The following TBC1D12 variants were observed in gnomAD, a reference collection of about 807,000 sequenced individuals.
TBC1D12 encodes TBC1 domain family member 12.
A neutral mutation model predicts 86.7 loss-of-function variants in TBC1D12; 56 were observed. That is an observed-to-expected ratio of 0.65 (90% CI 0.52 to 0.81). The LOEUF is 0.81. Ranked by LOEUF, TBC1D12 falls within the 30% of genes least tolerant of loss-of-function variation. The probability of loss-of-function intolerance (pLI) is 0.00; values close to 1 mark genes in which losing one functional copy is unlikely to be tolerated. For synonymous variants in TBC1D12, 421 were observed against 411.7 expected (o/e 1.02, Z -0.27); for missense variants, 1,023 against 1,038.8 (o/e 0.98, Z 0.21).
intron 2 of TBC1D12, among the ~76,000 whole-genome samples, chr10:94,473,049 G>A (rs2055931297): frequency 6.6e-6 from 1 of 152,052 alleles, no homozygotes; most frequent in Non-Finnish European, 1.5e-5. Flanking sequence ...CTCAATTAAG[G>A]TTAAGCTTCA....
intron 1 of TBC1D12, among the ~76,000 whole-genome samples, chr10:94,430,695 A>T (rs2055204459): frequency 6.6e-6 from 1 of 152,188 alleles, no homozygotes; most frequent in Admixed American, 6.5e-5. Context: ...AGAGTCATTT[A>T]CCCAACCTGT....
chr10:94,460,601 G>A (rs1251318561), intron 2 of TBC1D12, among the ~76,000 whole-genome samples: 1 of 148,316 alleles, frequency 6.7e-6, no homozygotes, highest in African/African-American at 2.5e-5. Flanking sequence ...TATCCTATTT[G>A]ATGTTCTCTG....
At chr10:94,480,502 A>G (rs918142588) in intron 3 of TBC1D12, among the ~76,000 whole-genome samples, 5 of 152,020 alleles carry the variant, frequency 3.3e-5, no homozygotes, top group African/African-American at 9.7e-5. Flanking sequence ...AAGTCATACT[A>G]TTCTGATTGC....
chr10:94,488,028 ACTGC>A (rs999744842), intron 3 of TBC1D12, among the ~76,000 whole-genome samples: 3 of 151,804 alleles, frequency 2.0e-5, no homozygotes, highest in African/African-American at 7.3e-5. Context: ...GTCTTATTTT[ACTGC>A]CTATGTCTTG....
intron 9 of TBC1D12, among the ~76,000 whole-genome samples, chr10:94,514,878 C>G (rs1035912534): frequency 2.7e-5 from 4 of 150,740 alleles, no homozygotes; most frequent in African/African-American, 9.7e-5. Flanking sequence ...AATTTACATT[C>G]CTATAAACAG....
chr10:94,422,393 T>G (rs1411880226), intron 1 of TBC1D12, among the ~76,000 whole-genome samples: 1 of 152,032 alleles, frequency 6.6e-6, no homozygotes, highest in Admixed American at 6.6e-5. Flanking sequence ...TTTCACCATG[T>G]TGGCCAGGAT....
chr10:94,444,803 C>T (rs1452131679), intron 2 of TBC1D12, among the ~76,000 whole-genome samples: 1 of 150,200 alleles, frequency 6.7e-6, no homozygotes, highest in Admixed American at 6.6e-5. Context: ...ACGATCTCGG[C>T]TCACTGCAAT....
chr10:94,403,800 C>G (rs2054811072), intron 1 of TBC1D12, among the ~76,000 whole-genome samples: 1 of 152,186 alleles, frequency 6.6e-6, no homozygotes, highest in Admixed American at 6.5e-5. Context: ...GTTGTGAGCT[C>G]TGTGGACAGC....
chr10:94,431,363 C>T (rs2055212441), intron 1 of TBC1D12, among the ~76,000 whole-genome samples: 2 of 148,072 alleles, frequency 1.4e-5, no homozygotes, highest in Non-Finnish European at 3.0e-5. Context: ...TGCAGTGAGC[C>T]AAGATTGCAC....
At chr10:94,502,059 G>A (rs1245555483) in intron 6 of TBC1D12, among the ~76,000 whole-genome samples, 5 of 151,728 alleles carry the variant, frequency 3.3e-5, no homozygotes, top group African/African-American at 7.2e-5. Context: ...TTGGCCAGGC[G>A]CGGTGGCTCA....
intron 6 of TBC1D12, 96 bp from the exon 7 acceptor site, chr10:94,507,171 G>C: frequency 8.4e-7 from 1 of 1,193,744 alleles, no homozygotes; most frequent in African/African-American, 1.6e-5. Context: ...ACATCAGAGA[G>C]ACCTGACCTG....
At chr10:94,506,662 G>A (rs1437214791) in intron 6 of TBC1D12, among the ~76,000 whole-genome samples, 1 of 152,116 alleles carries the variant, frequency 6.6e-6, no homozygotes, top group Non-Finnish European at 1.5e-5. Flanking sequence ...AAAAAGATAG[G>A]GGTAGAGATT....
chr10:94,443,431 C>T (rs1218359181), intron 2 of TBC1D12, among the ~76,000 whole-genome samples: 1 of 152,154 alleles, frequency 6.6e-6, no homozygotes. Context: ...CAGGTATGTG[C>T]CACCACACCT....
chr10:94,519,151 C>CT (rs1174581163), intron 9 of TBC1D12, among the ~76,000 whole-genome samples: 1 of 152,118 alleles, frequency 6.6e-6, no homozygotes, highest in Non-Finnish European at 1.5e-5. Context: ...AGCATTTTTT[C>CT]TTTTTTAGCA....
At chr10:94,440,435 C>T (rs893976999) in intron 1 of TBC1D12, among the ~76,000 whole-genome samples, 13 of 152,200 alleles carry the variant, frequency 8.5e-5, no homozygotes, top group Admixed American at 7.8e-4. Flanking sequence ...CTTTGGCCTC[C>T]CAGTGTTGGG....
intron 2 of TBC1D12, among the ~76,000 whole-genome samples, chr10:94,459,875 C>T (rs1406796043): frequency 2.0e-5 from 3 of 152,168 alleles, no homozygotes; most frequent in African/African-American, 4.8e-5. Context: ...CTGCCTGCAC[C>T]TCTCACTCCA....
At chr10:94,423,342 C>CTTTTTTT (rs71486719) in intron 1 of TBC1D12, among the ~76,000 whole-genome samples, 16 of 94,226 alleles carry the variant, frequency 1.7e-4, no homozygotes, top group South Asian at 4.5e-4. Context: ...CATTCACCAT[C>CTTTTTTT]TTTTTTTTTT....
chr10:94,412,020 T>G (rs2054934945), intron 1 of TBC1D12, among the ~76,000 whole-genome samples: 1 of 152,212 alleles, frequency 6.6e-6, no homozygotes, highest in South Asian at 2.1e-4. Context: ...GTGAATTGCT[T>G]AATCCTAGGT....
At chr10:94,525,864 T>G (rs1350025992) in intron 11 of TBC1D12, among the ~76,000 whole-genome samples, 1 of 152,164 alleles carries the variant, frequency 6.6e-6, no homozygotes, top group Non-Finnish European at 1.5e-5. Flanking sequence ...TACATAGTGA[T>G]GTTTCTGTAC....
Sources: allele counts gnomAD v4.1 joint callset (sites outside exome capture counted in the v4.1 genomes callset), GRCh38; gene constraint gnomAD v4.1.1; transcripts MANE v1.5; gene names NCBI Gene and HGNC (gene_info 2026-07-23, HGNC 2026-07-21).